Variants in BCAS3 observed in about 807,000 individuals in gnomAD.
The protein encoded by BCAS3 is BCAS3 microtubule associated cell migration factor.
In BCAS3, 53 loss-of-function variants were observed where a neutral mutation model predicts 116.1. That is an observed-to-expected ratio of 0.46 (90% CI 0.37 to 0.57). BCAS3 has a LOEUF of 0.57. Among genes scored for constraint, BCAS3 ranks in the 20% least tolerant of loss-of-function variants. The pLI, the probability that BCAS3 is intolerant of heterozygous loss-of-function variation, is 0.00. For missense variants in BCAS3, 917 were observed against 1,165.4 expected, an observed-to-expected ratio of 0.79 and a Z score of 3.10; for synonymous variants, 391 against 408.2, an observed-to-expected ratio of 0.96 and a Z score of 0.51.
Position 60,990,221 on chromosome 17 carries a change from G to C in BCAS3, c.1472G>C (p.Gly491Ala). The C allele has an allele frequency of 1.2e-6, 2 of 1,613,754 alleles. No homozygotes were observed. The highest frequency in any genetic ancestry group is 1.1e-5 in the South Asian group (1 of 91,064). ...PVPGLSSSPS[G>A]SPLHGKLNSQ... is the part of the protein sequence containing the mutation. ...CCAGGTCTATCAAGCAGCCCTTCTG[G>C]GTCACCCTTGCATGGTAATTTTCTC... The change falls in exon 15 of 24, where the codon GGG (glycine) becomes GCG (alanine). Residue 491 changes from glycine to alanine, a missense_variant. By Grantham distance (60) the Gly-to-Ala change is moderately conservative. This residue lies in a region of BCAS3 where 807 missense variants were observed against 1,026.0 expected (regional missense o/e 0.79). Coordinates refer to ENST00000407086, the MANE Select transcript of BCAS3 (RefSeq NM_017679.5). This position sits in a 1 kb window ranked among gnomAD's most constrained non-coding sequence, Gnocchi z 5.1.
chr17:60,806,002 G>A (rs375081517), intron 6 of BCAS3, among the ~76,000 whole-genome samples: 1 of 151,410 alleles, frequency 6.6e-6, no homozygotes, highest in Non-Finnish European at 1.5e-5. Context: ...TGGGATTACA[G>A]CGCCTGCCTC....
chr17:60,970,878 A>G lies in BCAS3; in HGVS notation c.1222-19093A>G, dbSNP rs147721452. Among the ~76,000 whole-genome samples the G allele has an allele frequency of 3.1e-4, 47 of 152,364 alleles. 1 individual carries two copies. The highest frequency in any genetic ancestry group is 1.1e-3 in the African/African-American group (44 of 41,586). ...AATTATTAGAGTAACACTACTAGCT[A>G]CATTGGCCTATTAGATAACCAAACC... On this transcript the variant is annotated intron_variant, in intron 14 of 23. Transcript: ENST00000407086.
At chr17:60,772,980 G>A (rs1346846854) in intron 6 of BCAS3, among the ~76,000 whole-genome samples, 1 of 152,182 alleles carries the variant, frequency 6.6e-6, no homozygotes, top group Non-Finnish European at 1.5e-5. Flanking sequence ...TAAATATCAA[G>A]GAGCATGCTT....
At chr17:60,714,728 G>A (rs1017655576) in intron 5 of BCAS3, among the ~76,000 whole-genome samples, 5 of 152,102 alleles carry the variant, frequency 3.3e-5, no homozygotes, top group African/African-American at 1.2e-4. Flanking sequence ...TTAAAAAATT[G>A]TCTATTGAAG....
intron 5 of BCAS3, among the ~76,000 whole-genome samples, chr17:60,734,919 CT>C (rs968379284): frequency 5.8e-4 from 89 of 152,278 alleles, no homozygotes; most frequent in African/African-American, 2.1e-3. Context: ...TTGGAAAGAA[CT>C]GACATCTTGA....
chr17:61,306,359 T>G (rs1356044711), intron 22 of BCAS3, among the ~76,000 whole-genome samples: 2 of 152,254 alleles, frequency 1.3e-5, no homozygotes, highest in Non-Finnish European at 2.9e-5. Flanking sequence ...TTACCTAGAC[T>G]GCAGGCTTAA....
At chr17:60,930,534 A>G (rs1393793464) in intron 13 of BCAS3, among the ~76,000 whole-genome samples, 1 of 150,996 alleles carries the variant, frequency 6.6e-6, no homozygotes, top group East Asian at 2.0e-4. Flanking sequence ...TCGGCTCACC[A>G]CAATCTCCGC....
At chr17:61,015,664 G>T in intron 15 of BCAS3, 87 bp from the exon 16 acceptor site, 1 of 1,315,078 alleles carries the variant, frequency 7.6e-7, no homozygotes, top group Non-Finnish European at 1.1e-6. Flanking sequence ...AATGATTACT[G>T]GAGTCAGTGA....
At chr17:61,212,817 T>C (rs1373105785) in intron 22 of BCAS3, among the ~76,000 whole-genome samples, 1 of 152,182 alleles carries the variant, frequency 6.6e-6, no homozygotes, top group Non-Finnish European at 1.5e-5. Flanking sequence ...AGAAAATGAA[T>C]TGGCCTTTGT....
intron 10 of BCAS3, among the ~76,000 whole-genome samples, chr17:60,891,433 C>T (rs1238148718): frequency 6.6e-6 from 1 of 152,188 alleles, no homozygotes; most frequent in East Asian, 1.9e-4. Context: ...ACGTAGTGGC[C>T]TTCACAAGGA....
At chr17:61,321,173 G>A (rs1159964073) in intron 22 of BCAS3, among the ~76,000 whole-genome samples, 3 of 151,818 alleles carry the variant, frequency 2.0e-5, no homozygotes, top group Non-Finnish European at 4.4e-5. Context: ...TATATCTCCA[G>A]CTTCCCTTAC....
intron 6 of BCAS3, among the ~76,000 whole-genome samples, chr17:60,802,295 AATATAT>A (rs773556470): frequency 2.3e-5 from 3 of 127,944 alleles, no homozygotes; most frequent in Middle Eastern, 3.9e-3. Flanking sequence ...AAAAAAAAAA[AATATAT>A]ATATATATAT....
chr17:60,942,295 C>T (rs866660344), intron 13 of BCAS3, among the ~76,000 whole-genome samples: 2 of 152,024 alleles, frequency 1.3e-5, no homozygotes, highest in African/African-American at 2.4e-5. Context: ...GGCGTGGCGG[C>T]GGGCGCCTGT....
Position 61,051,972 on chromosome 17 carries a change from G to T in BCAS3, c.2029+11080G>T, listed in dbSNP as rs2068897161. Reference sequence around the variant, plus strand: ...ACAGGAAAAAAGGAAAAAGATCAGAGTATAAAATCAGTGAAACAGAAAACA... The same window carrying T: ...ACAGGAAAAAAGGAAAAAGATCAGATTATAAAATCAGTGAAACAGAAAACA... On this transcript the variant is annotated intron_variant, in intron 19 of 23. Transcript: ENST00000407086. The surrounding 1 kb of genome is among the most constrained non-coding windows in gnomAD (Gnocchi z 4.1). Among the ~76,000 whole-genome samples, 1 of 152,040 alleles carries T rather than the reference G, an allele frequency of 6.6e-6. No homozygotes were observed. Among genetic ancestry groups the T allele is most frequent in the African/African-American group, 2.4e-5 (1 of 41,410 alleles).
intron 15 of BCAS3, among the ~76,000 whole-genome samples, chr17:61,011,678 T>C (rs1170497728): frequency 6.6e-6 from 1 of 151,922 alleles, no homozygotes; most frequent in Non-Finnish European, 1.5e-5. Flanking sequence ...TCCTCAGGAG[T>C]ATAGGCAGCC....
intron 22 of BCAS3, among the ~76,000 whole-genome samples, chr17:61,150,022 G>GT (rs1029599968): frequency 5.3e-5 from 8 of 152,148 alleles, no homozygotes; most frequent in African/African-American, 1.2e-4. Context: ...GTTTGCAGAT[G>GT]TTTTTTCCTA....
chr17:60,960,006 C>G lies in BCAS3; in HGVS notation c.1221+12654C>G, dbSNP rs918478106. ...AAGATACATGTGATTGTTTTAAGTA[C>G]CAACCTGGATAACCCAGGGATAAGC... On this transcript the variant is annotated intron_variant, in intron 14 of 23. Coordinates refer to ENST00000407086, the MANE Select transcript of BCAS3 (RefSeq NM_017679.5). This position sits in a 1 kb window ranked among gnomAD's most constrained non-coding sequence, Gnocchi z 4.1. Among the ~76,000 whole-genome samples, 5 of 152,148 alleles carry G rather than the reference C, an allele frequency of 3.3e-5. No homozygotes were observed. The highest frequency in any genetic ancestry group is 1.2e-4 in the African/African-American group (5 of 41,434).
At chr17:61,296,201 C>T (rs2052890285) in intron 22 of BCAS3, among the ~76,000 whole-genome samples, 1 of 152,188 alleles carries the variant, frequency 6.6e-6, no homozygotes. Flanking sequence ...TCTCATTCTT[C>T]CAGTCAGGTT....
Position 61,344,614 on chromosome 17 carries a change from C to T in BCAS3, c.2426-23713C>T, listed in dbSNP as rs910515334. On this transcript the variant is annotated intron_variant, in intron 22 of 23. Transcript: ENST00000407086. The surrounding 1 kb of genome is among the most constrained non-coding windows in gnomAD (Gnocchi z 4.1). ...ACATGCTGATAGGGCAGGTTCAGGG[C>T]ACCTGACCTAACCTAGGAGAGGATC... Among the ~76,000 whole-genome samples, 2 of 152,150 alleles carry T rather than the reference C, an allele frequency of 1.3e-5. No homozygotes were observed. The highest frequency in any genetic ancestry group is 4.8e-5 in the African/African-American group (2 of 41,430).
Sources: gnomAD v4.1 joint callset for allele counts (sites outside exome capture counted in the v4.1 genomes callset) on GRCh38, gnomAD v4.1.1 for gene constraint, gnomAD v4.1.1 regional missense constraint, Gnocchi (gnomAD v3.1) non-coding constraint, MANE v1.5 for transcripts, NCBI Gene and HGNC (gene_info 2026-07-23, HGNC 2026-07-21) for gene names.